Variants in PPP6R3 observed in about 807,000 individuals in gnomAD.
The protein encoded by PPP6R3 is protein phosphatase 6 regulatory subunit 3.
Under a neutral mutation model 110.7 loss-of-function variants are expected in PPP6R3, and 38 were observed. That is an observed-to-expected ratio of 0.34 (90% CI 0.26 to 0.45). The LOEUF (loss-of-function observed/expected upper bound fraction) is 0.45. Ranked by LOEUF, PPP6R3 falls within the 20% of genes least tolerant of loss-of-function variation. The pLI is 1.00. For missense variants in PPP6R3, 870 were observed against 1,062.4 expected (o/e 0.82, Z 2.52); for synonymous variants, 369 against 373.5 (o/e 0.99, Z 0.14).
Position 68,548,197 on chromosome 11 carries a change from T to G in PPP6R3, c.545T>G (p.Val182Gly). ...CIEPPQPRQD[V>G]LNWLNEEKII... is the part of the protein sequence containing the mutation. ...GAACCTCCACAGCCCAGGCAAGATG[T>G]GCTGAATGTGAGTAGAATTCTGACC... Residue 182 changes from valine (V) to glycine (G), a missense_variant, in exon 5 of 24, where the codon GTG becomes GGG. Transcript: ENST00000393800. 1 of 1,614,022 alleles carries G rather than the reference T, an allele frequency of 6.2e-7. No individual in the cohort carries two copies. The highest frequency in any genetic ancestry group is 8.5e-7 in the Non-Finnish European group (1 of 1,179,974).
chr11:68,499,765 GT>G (rs1463466040), intron 1 of PPP6R3, among the ~76,000 whole-genome samples: 1 of 151,998 alleles, frequency 6.6e-6, no homozygotes, highest in Non-Finnish European at 1.5e-5. Flanking sequence ...TGTAGTTGGA[GT>G]TTTGCCATGT....
chr11:68,501,965 T>C (rs2099051069), intron 1 of PPP6R3, among the ~76,000 whole-genome samples: 1 of 152,182 alleles, frequency 6.6e-6, no homozygotes, highest in Admixed American at 6.5e-5. Flanking sequence ...ATCAGTGTTA[T>C]AATGGAATGG....
chr11:68,494,172 G>A (rs1565401284), intron 1 of PPP6R3, among the ~76,000 whole-genome samples: 1 of 150,876 alleles, frequency 6.6e-6, no homozygotes, highest in Non-Finnish European at 1.5e-5. Flanking sequence ...AAGGATGAAT[G>A]CTTGATGTGA....
chr11:68,591,284 C>T (rs1001183598), intron 17 of PPP6R3, among the ~76,000 whole-genome samples: 1 of 152,122 alleles, frequency 6.6e-6, no homozygotes, highest in Admixed American at 6.5e-5. Flanking sequence ...GGGACCGCAT[C>T]TCCAGGACAG....
intron 1 of PPP6R3, among the ~76,000 whole-genome samples, chr11:68,473,939 T>C (rs1323369361): frequency 1.3e-5 from 2 of 152,294 alleles, no homozygotes; most frequent in Admixed American, 6.5e-5. Context: ...TTGGATAATG[T>C]GGTAACTTTA....
chr11:68,522,663 C>T (rs2099169642), intron 2 of PPP6R3: 1 of 152,242 alleles, frequency 6.6e-6, no homozygotes, highest in Non-Finnish European at 1.5e-5. Context: ...CTCCAGATGC[C>T]TGCTGGCGAA....
intron 2 of PPP6R3, among the ~76,000 whole-genome samples, chr11:68,530,771 G>A (rs1401715615): frequency 6.6e-6 from 1 of 152,176 alleles, no homozygotes; most frequent in Admixed American, 6.5e-5. Flanking sequence ...TTTGCTCTGG[G>A]CCCAGCTAGT....
At chr11:68,603,720 A>G (rs556741118) in intron 22 of PPP6R3, among the ~76,000 whole-genome samples, 1 of 152,338 alleles carries the variant, frequency 6.6e-6, no homozygotes, top group South Asian at 2.1e-4. Flanking sequence ...TGTATTTTAC[A>G]TCTAGCAGTT....
intron 23 of PPP6R3, 22 bp downstream of exon 23, chr11:68,610,045 C>T (rs1218421475): frequency 1.2e-6 from 2 of 1,610,852 alleles, no homozygotes; most frequent in Admixed American, 3.3e-5. Flanking sequence ...CCTCCTCAAA[C>T]CCACCCAGGC....
intron 14 of PPP6R3, among the ~76,000 whole-genome samples, chr11:68,578,884 CCT>C (rs757930971): frequency 2.0e-5 from 3 of 152,168 alleles, no homozygotes; most frequent in African/African-American, 4.8e-5. Flanking sequence ...TATCCAAAGA[CCT>C]CTGTGTTTTG....
At chr11:68,610,260 T>C (rs1416196529) in intron 23 of PPP6R3, among the ~76,000 whole-genome samples, 1 of 152,180 alleles carries the variant, frequency 6.6e-6, no homozygotes, top group African/African-American at 2.4e-5. Context: ...TTAGAGACTC[T>C]TTAACATCAC....
intron 19 of PPP6R3, among the ~76,000 whole-genome samples, chr11:68,599,255 T>C (rs1333124532): frequency 1.3e-5 from 2 of 152,234 alleles, no homozygotes; most frequent in African/African-American, 2.4e-5. Context: ...CAGCAAAGAA[T>C]TGAGGATTCA....
chr11:68,545,613 C>G (rs1187808870), intron 4 of PPP6R3, among the ~76,000 whole-genome samples: 1 of 152,188 alleles, frequency 6.6e-6, no homozygotes, highest in African/African-American at 2.4e-5. Context: ...AGTGTGGTCC[C>G]TGAACCAGCA....
chr11:68,507,934 G>A (rs2099087226), intron 1 of PPP6R3, among the ~76,000 whole-genome samples: 1 of 151,984 alleles, frequency 6.6e-6, no homozygotes, highest in Non-Finnish European at 1.5e-5. Context: ...GGCTGGGTGA[G>A]GTGGCTAACA....
chr11:68,566,948 T>C, intron 9 of PPP6R3, 66 bp from the exon 10 acceptor site: 1 of 1,405,040 alleles, frequency 7.1e-7, no homozygotes, highest in Non-Finnish European at 9.6e-7. Context: ...GTGTCATGTC[T>C]TAGCAAATAC....
intron 22 of PPP6R3, chr11:68,609,529 T>C (rs750554519): frequency 4.8e-6 from 7 of 1,455,476 alleles, no homozygotes; most frequent in South Asian, 1.2e-5. Context: ...CGTGGACATA[T>C]TATTCCCCCA....
At chr11:68,511,008 T>C (rs1267653455) in intron 1 of PPP6R3, among the ~76,000 whole-genome samples, 1 of 152,180 alleles carries the variant, frequency 6.6e-6, no homozygotes, top group Non-Finnish European at 1.5e-5. Context: ...GTTAACATTT[T>C]GGTTAAATCA....
chr11:68,588,140 T>C (rs1374294006), intron 16 of PPP6R3, 116 bp downstream of exon 16: 3 of 890,044 alleles, frequency 3.4e-6, no homozygotes, highest in African/African-American at 3.3e-5. Context: ...AGGAACCTGC[T>C]CTTTCCACGG....
Position 68,614,007 on chromosome 11 carries a change from A to ATGAAATGTT in PPP6R3, c.*890_*891insTGAAATGTT. 4.1e-6 allele frequency: 4 copies of ATGAAATGTT among 985,050 alleles called. No homozygotes were observed. Among genetic ancestry groups the ATGAAATGTT allele is most frequent in the Non-Finnish European group, 3.6e-6 (3 of 829,868 alleles). 61.0% of individuals were successfully genotyped at this position (985,050 alleles called of 1,614,324 possible). ...AAAATTTACCTTGTTAACAAGCATC[A>ATGAAATGTT]CCAATGAACATTTCAGAGCAATCTG... On this transcript the variant is annotated 3_prime_UTR_variant, in exon 24 of 24. Coordinates refer to ENST00000393800, the MANE Select transcript of PPP6R3 (RefSeq NM_001164161.2).
Sources: allele counts gnomAD v4.1 joint callset (sites outside exome capture counted in the v4.1 genomes callset), GRCh38; gene constraint gnomAD v4.1.1; transcripts MANE v1.5; gene names NCBI Gene and HGNC (gene_info 2026-07-23, HGNC 2026-07-21).